The following TXNRD2 variants were observed in gnomAD, a reference collection of about 807,000 sequenced individuals.
TXNRD2 encodes thioredoxin reductase 2, also known as thioredoxin reductase 2, mitochondrial.
TXNRD2 carries 67 observed loss-of-function variants against 70.8 expected under a neutral mutation model. The observed-to-expected ratio is 0.95, with a 90% CI of 0.78 to 1.16. The LOEUF (loss-of-function observed/expected upper bound fraction) is 1.16, where lower values mean the gene tolerates loss of function less well. TXNRD2 is among the 50% of genes most tolerant of loss of function. The pLI is 0.00. For missense variants in TXNRD2, 644 were observed against 719.9 expected (o/e 0.89, Z 1.21); for synonymous variants, 301 against 295.8 (o/e 1.02, Z -0.18).
chr22:19,894,126 C>T (rs1030264765), intron 11 of TXNRD2: 2 of 152,238 alleles, frequency 1.3e-5, no homozygotes, highest in African/African-American at 4.8e-5. Flanking sequence ...AACATGGATG[C>T]ACCCTGAAAA....
intron 2 of TXNRD2, among the ~76,000 whole-genome samples, chr22:19,929,645 C>T (rs938624410): frequency 2.6e-5 from 4 of 152,144 alleles, no homozygotes; most frequent in African/African-American, 4.8e-5. Flanking sequence ...GCCCTGCCCG[C>T]ACCTGGATGA....
At chr22:19,879,970 TAAGCCCAGTCACCCCAAGGCTGCCA>T (rs375510867) in intron 14 of TXNRD2, among the ~76,000 whole-genome samples, 184 bp downstream of exon 14, 4 of 152,282 alleles carry the variant, frequency 2.6e-5, no homozygotes, top group East Asian at 1.9e-4. Flanking sequence ...CAGAGGCACC[TAAGCCCAGTCACCCCAAGGCTGCCA>T]AAGCCCAGGC....
At chr22:19,915,875 TC>T (rs1264806739) in intron 5 of TXNRD2, 32 bp from the exon 6 acceptor site, 1 of 1,594,284 alleles carries the variant, frequency 6.3e-7, no homozygotes, top group East Asian at 2.2e-5. Context: ...TTCAAACACT[TC>T]CTCTGCAAAT....
intron 2 of TXNRD2, among the ~76,000 whole-genome samples, chr22:19,921,106 C>CA (rs33910378): frequency 0.2 from 16,670 of 84,064 alleles, 1,446 homozygotes; most frequent in East Asian, 0.32. Flanking sequence ...GACTCTGTCT[C>CA]AAAAAAAAAA....
chr22:19,912,700 G>A (rs1056937330), intron 7 of TXNRD2, among the ~76,000 whole-genome samples: 3 of 152,228 alleles, frequency 2.0e-5, no homozygotes, highest in African/African-American at 4.8e-5. Context: ...ACAAAGTCAC[G>A]CAGCCCTGAG....
intron 8 of TXNRD2, among the ~76,000 whole-genome samples, chr22:19,899,635 T>C (rs1278359651): frequency 1.3e-5 from 2 of 152,184 alleles, no homozygotes; most frequent in Admixed American, 6.5e-5. Context: ...CCAGCAGTCA[T>C]TGGAAATATT....
chr22:19,902,875 G>A (rs1436514948), intron 8 of TXNRD2: 4 of 497,784 alleles, frequency 8.0e-6, no homozygotes, highest in Admixed American at 2.1e-5. Flanking sequence ...TTCTTCCCAA[G>A]ATAAAATTTA....
rs116025430 is a variant in TXNRD2 at position 19,921,825 on chromosome 22, G to A, written c.173-2226C>T. 5.9e-3 allele frequency among the ~76,000 whole-genome samples: 895 copies of A among 152,292 alleles called. 10 individuals carry two copies. Among genetic ancestry groups the A allele is most frequent in the African/African-American group, 0.02 (843 of 41,550 alleles). ...ACAGAACCACCTGGAAGGACTGGAG[G>A]GGACAGAGCCCACACAGGGCAGGGG... On this transcript the variant is annotated intron_variant, in intron 2 of 17. Transcript: ENST00000400521.
At chr22:19,918,347 C>A in intron 4 of TXNRD2, 130 bp from the exon 5 acceptor site, 1 of 815,384 alleles carries the variant, frequency 1.2e-6, no homozygotes. Flanking sequence ...TTAAAGGTGG[C>A]AAAACGTGAC....
intron 12 of TXNRD2, 105 bp from the exon 13 acceptor site, chr22:19,880,822 A>C: frequency 1.3e-6 from 1 of 758,236 alleles, no homozygotes; most frequent in South Asian, 1.6e-5. Flanking sequence ...CCTTTAGAAA[A>C]TCCCCAACAC....
chr22:19,912,144 C>T (rs1319663049), intron 7 of TXNRD2, among the ~76,000 whole-genome samples: 1 of 152,106 alleles, frequency 6.6e-6, no homozygotes, highest in East Asian at 1.9e-4. Flanking sequence ...AGAGGGGCGG[C>T]CAAGCAGGTG....
At chr22:19,882,972 G>A (rs1288767538) in intron 12 of TXNRD2, among the ~76,000 whole-genome samples, 1 of 152,268 alleles carries the variant, frequency 6.6e-6, no homozygotes, top group African/African-American at 2.4e-5. Flanking sequence ...CGGCCCCAAG[G>A]CCATGGTGGC....
chr22:19,897,872 C>T (rs1299147010), intron 10 of TXNRD2, among the ~76,000 whole-genome samples, 167 bp downstream of exon 10: 5 of 152,176 alleles, frequency 3.3e-5, no homozygotes, highest in South Asian at 2.1e-4. Flanking sequence ...TCGCTCCGGC[C>T]GAGTGTCTGC....
chr22:19,913,630 G>A (rs1940509851), intron 7 of TXNRD2, among the ~76,000 whole-genome samples: 1 of 152,236 alleles, frequency 6.6e-6, no homozygotes, highest in African/African-American at 2.4e-5. Flanking sequence ...AGTATGAGAT[G>A]TCTGCTGGAG....
chr22:19,892,136 G>A (rs1408437629), intron 11 of TXNRD2, among the ~76,000 whole-genome samples: 3 of 152,252 alleles, frequency 2.0e-5, no homozygotes, highest in South Asian at 2.1e-4. Flanking sequence ...AAGCAGAGTC[G>A]GAGATGTTGG....
chr22:19,927,774 A>G (rs1284631410), intron 2 of TXNRD2, among the ~76,000 whole-genome samples: 1 of 152,120 alleles, frequency 6.6e-6, no homozygotes, highest in East Asian at 1.9e-4. Context: ...TGGGTGCTTC[A>G]GGGCCAACTG....
intron 8 of TXNRD2, 193 bp downstream of exon 8, chr22:19,911,184 G>C: frequency 1.5e-6 from 1 of 682,868 alleles, no homozygotes; most frequent in South Asian, 1.5e-5. Flanking sequence ...CAATCCTCCC[G>C]CTCAGTCTCC....
intron 4 of TXNRD2, among the ~76,000 whole-genome samples, 173 bp downstream of exon 4, chr22:19,918,687 C>T (rs1383602414): frequency 1.3e-5 from 2 of 152,248 alleles, no homozygotes; most frequent in African/African-American, 4.8e-5. Flanking sequence ...ACAACCAAAA[C>T]TGTCTCCAGA....
chr22:19,900,479 G>A (rs1939723114), intron 8 of TXNRD2, among the ~76,000 whole-genome samples: 3 of 152,186 alleles, frequency 2.0e-5, no homozygotes, highest in South Asian at 2.1e-4. Context: ...GGCCAGGTGC[G>A]GTGGCTCACG....
Sources: gnomAD v4.1 joint callset for allele counts (sites outside exome capture counted in the v4.1 genomes callset) on GRCh38, gnomAD v4.1.1 for gene constraint, MANE v1.5 for transcripts, NCBI Gene and HGNC (gene_info 2026-07-23, HGNC 2026-07-21) for gene names.